STK3: variants seen among roughly 807,000 people sequenced by gnomAD.
STK3 encodes serine/threonine-protein kinase 3.
A neutral mutation model predicts 58.0 loss-of-function variants in STK3; 41 were observed. That is an observed-to-expected ratio of 0.71 (90% CI 0.55 to 0.92). The LOEUF is 0.92. STK3 is among the 40% of genes least tolerant of loss of function. The pLI is 0.00. For missense variants in STK3, 479 were observed against 602.7 expected (o/e 0.79, Z 2.15); for synonymous variants, 170 against 191.0 (o/e 0.89, Z 0.91).
intron 3 of STK3, among the ~76,000 whole-genome samples, chr8:98,858,289 CGT>C (rs1491439630): frequency 5.7e-5 from 2 of 34,950 alleles, no homozygotes; most frequent in East Asian, 1.0e-3. Flanking sequence ...TACATACATA[CGT>C]ATATATATAT....
At chr8:98,875,793 G>C (rs1329235767) in intron 3 of STK3, 1 of 152,130 alleles carries the variant, frequency 6.6e-6, no homozygotes, top group East Asian at 1.9e-4. Context: ...CCAAATATAT[G>C]GTGTATCTCA....
chr8:98,697,388 G>C (rs1388437312), intron 6 of STK3, among the ~76,000 whole-genome samples: 1 of 151,998 alleles, frequency 6.6e-6, no homozygotes, highest in East Asian at 1.9e-4. Context: ...GTTACTTCTT[G>C]CCTTCTGCTA....
chr8:98,435,063 C>T (rs1047163909), intron 2 of STK3, among the ~76,000 whole-genome samples: 4 of 152,186 alleles, frequency 2.6e-5, no homozygotes, highest in Admixed American at 6.5e-5. Flanking sequence ...CAGAGGGCTC[C>T]ACAATCTGGT....
chr8:98,351,094 A>T, the STK3 span, among the ~76,000 whole-genome samples: 1 of 152,242 alleles, frequency 6.6e-6, no homozygotes, highest in African/African-American at 2.4e-5. Flanking sequence ...CTGTATATTC[A>T]GCAAAACTGA....
intron 7 of STK3, among the ~76,000 whole-genome samples, chr8:98,589,466 C>A (rs1815042306): frequency 6.6e-6 from 1 of 152,232 alleles, no homozygotes; most frequent in Non-Finnish European, 1.5e-5. Context: ...CTCAGATCTC[C>A]AGCTGCATAC....
At chr8:98,494,848 A>T (rs1389807634) in intron 10 of STK3, among the ~76,000 whole-genome samples, 1 of 152,032 alleles carries the variant, frequency 6.6e-6, no homozygotes, top group Non-Finnish European at 1.5e-5. Flanking sequence ...ACTGTGGAAG[A>T]GAGAACAGCA....
chr8:98,507,175 T>C (rs1824163867), intron 10 of STK3, among the ~76,000 whole-genome samples: 1 of 152,218 alleles, frequency 6.6e-6, no homozygotes, highest in East Asian at 1.9e-4. Context: ...ATACCATCTA[T>C]ATACTGATTA....
rs1811013710 is a variant in STK3, at chr8:98,549,800, G to C, written c.949-1639C>G. On this transcript the variant is annotated intron_variant, in intron 8 of 10. Coordinates refer to ENST00000419617, the MANE Select transcript of STK3 (RefSeq NM_006281.4). ...TTTGGGAGGTCAGGGCAGAAGGCCA[G>C]GAGTTTGAGACCAGCCTAGGCAATG... 1.3e-5 allele frequency among the ~76,000 whole-genome samples: 2 copies of C among 152,174 alleles called. 1 individual carries two copies. The highest frequency in any genetic ancestry group is 4.1e-4 in the South Asian group (2 of 4,832).
intron 8 of STK3, among the ~76,000 whole-genome samples, chr8:98,562,737 GAAAAAAAAAAAAAA>G (rs778049177): frequency 2.3e-4 from 4 of 17,406 alleles, no homozygotes; most frequent in Admixed American, 9.7e-4. Flanking sequence ...CACAAAAAAT[GAAAAAAAAAAAAAA>G]AAAAAAAAAA....
chr8:98,519,089 C>T (rs756363112), intron 10 of STK3, among the ~76,000 whole-genome samples: 7 of 152,032 alleles, frequency 4.6e-5, no homozygotes, highest in Non-Finnish European at 8.8e-5. Context: ...CAAAGGTAAT[C>T]GATGACAATA....
chr8:98,914,721 T>C (rs1464479451), intron 1 of STK3, among the ~76,000 whole-genome samples: 1 of 152,098 alleles, frequency 6.6e-6, no homozygotes, highest in South Asian at 2.1e-4. Context: ...CCCCACATGC[T>C]TGGGGGCATG....
At chr8:98,522,417 C>T (rs1287899298) in intron 10 of STK3, among the ~76,000 whole-genome samples, 1 of 152,060 alleles carries the variant, frequency 6.6e-6, no homozygotes, top group East Asian at 1.9e-4. Context: ...CTTTGCTGTT[C>T]CTTCCATCAT....
chr8:98,814,443 A>G (rs1564027077), intron 1 of STK3, among the ~76,000 whole-genome samples: 1 of 151,340 alleles, frequency 6.6e-6, no homozygotes, highest in Non-Finnish European at 1.5e-5. Flanking sequence ...CCTAGGCTCA[A>G]GCAATCCTCC....
the STK3 span, among the ~76,000 whole-genome samples, chr8:98,352,656 G>A: frequency 1.3e-5 from 2 of 152,064 alleles, no homozygotes; most frequent in Non-Finnish European, 2.9e-5. Context: ...TAATTAATGA[G>A]GCAGATGACT....
At chr8:98,820,193 T>C (rs996086113) in intron 1 of STK3, among the ~76,000 whole-genome samples, 3 of 152,192 alleles carry the variant, frequency 2.0e-5, no homozygotes, top group African/African-American at 7.2e-5. Flanking sequence ...CCCTAACATA[T>C]GACTTCAACC....
intron 1 of STK3, among the ~76,000 whole-genome samples, chr8:98,440,937 A>AG (rs1180949374): frequency 6.6e-6 from 1 of 152,160 alleles, no homozygotes; most frequent in African/African-American, 2.4e-5. Context: ...CTCAAAAATG[A>AG]GGGTTCCCGT....
chr8:98,904,575 G>A, intron 1 of STK3: 3 of 553,786 alleles, frequency 5.4e-6, no homozygotes, highest in Non-Finnish European at 7.1e-6. Context: ...GGTTCAGTCA[G>A]CAATTATTCT....
intron 3 of STK3, among the ~76,000 whole-genome samples, chr8:98,866,187 G>A (rs1387240314): frequency 6.6e-6 from 1 of 152,186 alleles, no homozygotes; most frequent in African/African-American, 2.4e-5. Context: ...TCTAGTTTTT[G>A]AATTCCACCT....
intron 1 of STK3, among the ~76,000 whole-genome samples, chr8:98,780,545 T>A (rs1458854502): frequency 1.3e-5 from 2 of 152,162 alleles, no homozygotes; most frequent in African/African-American, 4.8e-5. Context: ...TTGACTTCAC[T>A]TATAAGCTTT....
Sources: allele counts gnomAD v4.1 joint callset (sites outside exome capture counted in the v4.1 genomes callset), GRCh38; gene constraint gnomAD v4.1.1; transcripts MANE v1.5; gene names NCBI Gene and HGNC (gene_info 2026-07-23, HGNC 2026-07-21).